Variants in RORA observed in about 807,000 individuals in gnomAD.
RORA encodes the protein nuclear receptor ROR-alpha.
Under a neutral mutation model 69.5 loss-of-function variants are expected in RORA, and 7 were observed. The ratio of observed to expected loss-of-function variants is 0.10; its 90% CI spans 0.06 to 0.19. The LOEUF (loss-of-function observed/expected upper bound fraction) is 0.19. Among genes scored for constraint, RORA ranks in the 10% least tolerant of loss-of-function variants. The probability of loss-of-function intolerance (pLI) is 1.00; values close to 1 mark genes in which losing one functional copy is unlikely to be tolerated. For missense variants in RORA, 457 were observed against 663.0 expected (o/e 0.69, Z 3.41); for synonymous variants, 261 against 240.8 (o/e 1.08, Z -0.78).
intron 1 of RORA, among the ~76,000 whole-genome samples, chr15:60,919,310 C>T (rs528575978): frequency 1.1e-4 from 16 of 152,226 alleles, no homozygotes; most frequent in East Asian, 3.9e-4. Flanking sequence ...GGAGACCCCT[C>T]GTTTAATAGA....
In RORA at chr15:60,515,753, G is replaced by A. The variant is rs575796657; in HGVS notation, c.283-996C>T. ...TCCAAACACATGGGGGCTTTTTTTCGGGGGAGGGGGCAGGGTCTTGCTCTG... is the reference window on the plus strand; with the variant it reads ...TCCAAACACATGGGGGCTTTTTTTCAGGGGAGGGGGCAGGGTCTTGCTCTG... On this transcript the variant is annotated intron_variant, in intron 3 of 10. Transcript: ENST00000335670. 8.2e-5 allele frequency among the ~76,000 whole-genome samples: 12 copies of A among 146,138 alleles called. No homozygotes were observed. In the East Asian group the frequency reaches 2.4e-3, roughly 30 times the overall value.
At chr15:61,089,342 C>T (rs2078671364) in intron 1 of RORA, among the ~76,000 whole-genome samples, 1 of 152,190 alleles carries the variant, frequency 6.6e-6, no homozygotes, top group African/African-American at 2.4e-5. Flanking sequence ...AGAACAGAGA[C>T]CTTGCTAACT....
intron 1 of RORA, among the ~76,000 whole-genome samples, chr15:60,983,706 T>C (rs1894113694): frequency 6.6e-6 from 1 of 152,204 alleles, no homozygotes; most frequent in Admixed American, 6.5e-5. Context: ...AATCCACCCA[T>C]GACCCATAAG....
chr15:60,947,187 G>C (rs1363515453), intron 1 of RORA, among the ~76,000 whole-genome samples: 1 of 152,240 alleles, frequency 6.6e-6, no homozygotes, highest in Non-Finnish European at 1.5e-5. Flanking sequence ...CCCCGTCTGG[G>C]AGGTGTACCC....
intron 2 of RORA, among the ~76,000 whole-genome samples, chr15:60,677,855 C>T (rs756370444): frequency 6.6e-6 from 1 of 152,134 alleles, no homozygotes; most frequent in African/African-American, 2.4e-5. Context: ...AGCACGTATC[C>T]GTGGTCTAAA....
At chr15:61,115,373 G>T (rs1195705175) in intron 1 of RORA, among the ~76,000 whole-genome samples, 1 of 152,090 alleles carries the variant, frequency 6.6e-6, no homozygotes, top group African/African-American at 2.4e-5. Context: ...AACTTTAAAG[G>T]GAGCCTGGCT....
intron 1 of RORA, among the ~76,000 whole-genome samples, chr15:60,983,875 C>A (rs1451987114): frequency 2.0e-5 from 3 of 152,152 alleles, no homozygotes; most frequent in African/African-American, 7.2e-5. Flanking sequence ...TGAGACTGTA[C>A]CTTGGGCCAT....
chr15:60,951,160 G>GT (rs1254358728), intron 1 of RORA, among the ~76,000 whole-genome samples: 1 of 152,122 alleles, frequency 6.6e-6, no homozygotes, highest in Non-Finnish European at 1.5e-5. Flanking sequence ...CAACTACATG[G>GT]AAACTGAACA....
intron 1 of RORA, among the ~76,000 whole-genome samples, chr15:60,797,110 C>T (rs2072509922): frequency 6.7e-6 from 1 of 149,456 alleles, no homozygotes; most frequent in African/African-American, 2.5e-5. Flanking sequence ...AGGCAGAAAG[C>T]AGATTAGTGG....
At chr15:61,000,083 A>G (rs1375178029) in intron 1 of RORA, among the ~76,000 whole-genome samples, 1 of 152,138 alleles carries the variant, frequency 6.6e-6, no homozygotes, top group African/African-American at 2.4e-5. Flanking sequence ...AAGTGTTAAC[A>G]TTTCACAGTT....
chr15:60,612,983 AT>A lies in RORA; in HGVS notation c.196+65673del, dbSNP rs1300842839. On this transcript the variant is annotated intron_variant, in intron 2 of 10. Transcript: ENST00000335670. Reference sequence around the variant, plus strand: ...GGCATTTCCTAGAGAAGGAAACTGTATTTTTTTTTTTACTTATCTTTAAGGC... The same window carrying A: ...GGCATTTCCTAGAGAAGGAAACTGTATTTTTTTTTTACTTATCTTTAAGGC... Among the ~76,000 whole-genome samples the A allele has an allele frequency of 2.3e-3, 324 of 142,808 alleles. 3 individuals are homozygous for A. Among genetic ancestry groups the A allele is most frequent in the Admixed American group, 0.016 (231 of 14,348 alleles). 93.7% of individuals were successfully genotyped at this position (142,808 alleles called of 152,430 possible).
At chr15:61,166,057 T>A (rs2079537522) in intron 1 of RORA, among the ~76,000 whole-genome samples, 1 of 152,210 alleles carries the variant, frequency 6.6e-6, no homozygotes, top group Non-Finnish European at 1.5e-5. Context: ...GGTGCAAGAT[T>A]TTCAAACTCT....
chr15:60,973,911 T>C (rs1447976640), intron 1 of RORA, among the ~76,000 whole-genome samples: 1 of 152,236 alleles, frequency 6.6e-6, no homozygotes, highest in Non-Finnish European at 1.5e-5. Context: ...AGCAATTAGC[T>C]GATGGAGGAT....
chr15:61,071,229 A>T, intron 1 of RORA, among the ~76,000 whole-genome samples: 1 of 30,718 alleles, frequency 3.3e-5, no homozygotes, highest in Non-Finnish European at 6.0e-5. Context: ...AGGGGAAGGG[A>T]AGGGAGGGGA....
chr15:61,215,427 T>C (rs1488741820), intron 1 of RORA, among the ~76,000 whole-genome samples: 6 of 152,176 alleles, frequency 3.9e-5, no homozygotes, highest in Admixed American at 2.0e-4. Context: ...TACCAGTTAA[T>C]AGGGGTTCTC....
intron 1 of RORA, among the ~76,000 whole-genome samples, chr15:60,740,001 C>T (rs2071553435): frequency 6.6e-6 from 1 of 152,102 alleles, no homozygotes; most frequent in African/African-American, 2.4e-5. Flanking sequence ...GAGATTTGTC[C>T]ATCTCCCCTG....
At chr15:61,069,865 C>T (rs2078316233) in intron 1 of RORA, among the ~76,000 whole-genome samples, 1 of 152,144 alleles carries the variant, frequency 6.6e-6, no homozygotes, top group Non-Finnish European at 1.5e-5. Context: ...GCACAACTGG[C>T]TATAATTAGA....
intron 1 of RORA, among the ~76,000 whole-genome samples, chr15:60,954,715 G>T (rs74019960): frequency 0.01 from 1,591 of 152,310 alleles, 29 homozygotes; most frequent in African/African-American, 0.036. Flanking sequence ...CTATTAGGTT[G>T]TTGCAAAAGT....
intron 1 of RORA, among the ~76,000 whole-genome samples, chr15:60,909,370 G>A (rs1198308200): frequency 6.6e-6 from 1 of 152,192 alleles, no homozygotes; most frequent in Non-Finnish European, 1.5e-5. Flanking sequence ...ATGTGTCAAA[G>A]CTCTGGATAC....
Sources: allele counts gnomAD v4.1 joint callset (sites outside exome capture counted in the v4.1 genomes callset), GRCh38; gene constraint gnomAD v4.1.1; transcripts MANE v1.5; gene names NCBI Gene and HGNC (gene_info 2026-07-23, HGNC 2026-07-21).